Variants in ATRNL1 observed in about 807,000 individuals in gnomAD.
The protein encoded by ATRNL1 is attractin like 1.
In ATRNL1, 95 loss-of-function variants were observed where a neutral mutation model predicts 182.7. The ratio of observed to expected loss-of-function variants is 0.52; its 90% confidence interval spans 0.44 to 0.62. The LOEUF (loss-of-function observed/expected upper bound fraction) is 0.62, where lower values mean the gene tolerates loss of function less well. Ranked by LOEUF, ATRNL1 falls within the 20% of genes least tolerant of loss-of-function variation. ATRNL1 has a pLI of 0.00. For missense variants in ATRNL1, 1,471 were observed against 1,679.5 expected, an observed-to-expected ratio of 0.88 and a Z score of 2.17; for synonymous variants, 576 against 568.3, an observed-to-expected ratio of 1.01 and a Z score of -0.19.
At chr10:115,749,484 A>G (rs1948386556) in intron 27 of ATRNL1, among the ~76,000 whole-genome samples, 1 of 151,910 alleles carries the variant, frequency 6.6e-6, no homozygotes, top group African/African-American at 2.4e-5. Context: ...GTGAAGTAGA[A>G]AAACGGGTAA....
chr10:115,633,103 G>T (rs947293608), intron 26 of ATRNL1, among the ~76,000 whole-genome samples: 2 of 151,948 alleles, frequency 1.3e-5, no homozygotes, highest in Admixed American at 1.3e-4. Context: ...TAGAGACAGG[G>T]TTTTACCATG....
chr10:115,288,590 C>T (rs1412769155), intron 15 of ATRNL1, among the ~76,000 whole-genome samples: 2 of 151,068 alleles, frequency 1.3e-5, no homozygotes, highest in South Asian at 2.1e-4. Flanking sequence ...GGCATGATCT[C>T]GGCTCACTGC....
At chr10:115,237,665 C>A (rs1219298551) in intron 9 of ATRNL1, among the ~76,000 whole-genome samples, 1 of 152,158 alleles carries the variant, frequency 6.6e-6, no homozygotes, top group African/African-American at 2.4e-5. Flanking sequence ...TTCTCCCAGA[C>A]TGTGGCTTGT....
chr10:115,601,106 G>T (rs1856571453), intron 26 of ATRNL1, among the ~76,000 whole-genome samples: 1 of 151,310 alleles, frequency 6.6e-6, no homozygotes, highest in Admixed American at 6.6e-5. Flanking sequence ...AGTTATATTT[G>T]CCCTTTTAAT....
At chr10:115,377,743 A>G (rs782116658) in intron 19 of ATRNL1, among the ~76,000 whole-genome samples, 2 of 152,132 alleles carry the variant, frequency 1.3e-5, no homozygotes, top group Admixed American at 6.5e-5. Context: ...GGGCTGATGG[A>G]ATTGCCTCTG....
At chr10:115,897,076 T>C (rs538888189) in intron 28 of ATRNL1, among the ~76,000 whole-genome samples, 1 of 152,250 alleles carries the variant, frequency 6.6e-6, no homozygotes, top group Non-Finnish European at 1.5e-5. Flanking sequence ...CTAATTTTCT[T>C]AATGTGCTAA....
chr10:115,155,266 CTG>C (rs1240859039), intron 5 of ATRNL1, among the ~76,000 whole-genome samples: 1 of 151,020 alleles, frequency 6.6e-6, no homozygotes, highest in Non-Finnish European at 1.5e-5. Flanking sequence ...TTCAGTCAGT[CTG>C]TGTTTTTTAA....
At chr10:115,376,041 C>G (rs1299677925) in intron 19 of ATRNL1, among the ~76,000 whole-genome samples, 4 of 151,720 alleles carry the variant, frequency 2.6e-5, no homozygotes, top group Non-Finnish European at 5.9e-5. Flanking sequence ...ACTCTCTTAG[C>G]TTTTTGTGTG....
Position 115,283,242 on chromosome 10 carries a change from C to T in ATRNL1, c.2233+1755C>T, listed in dbSNP as rs149632807. Among the ~76,000 whole-genome samples, 182 of 151,952 alleles carry T rather than the reference C, an allele frequency of 1.2e-3. 2 individuals carry two copies. The East Asian group carries it at 0.032, about 26-fold the overall frequency. On this transcript the variant is annotated intron_variant, in intron 14 of 28. Transcript: ENST00000355044. ...CAGCCTGGCCATCATGGTGAAACCC[C>T]GTCTCTACTAAAAATACAAAATTTA...
intron 20 of ATRNL1, among the ~76,000 whole-genome samples, chr10:115,396,035 G>C (rs1844273215): frequency 6.6e-6 from 1 of 151,620 alleles, no homozygotes; most frequent in Non-Finnish European, 1.5e-5. Context: ...TATTAAGCAT[G>C]GAAAATGATC....
intron 26 of ATRNL1, among the ~76,000 whole-genome samples, chr10:115,628,630 C>T (rs1858269749): frequency 6.6e-6 from 1 of 152,060 alleles, no homozygotes; most frequent in Admixed American, 6.6e-5. Context: ...CTTTTGGTGT[C>T]ATGTCTAAGA....
At chr10:115,371,346 G>C (rs1170357730) in intron 19 of ATRNL1, among the ~76,000 whole-genome samples, 2 of 152,116 alleles carry the variant, frequency 1.3e-5, no homozygotes, top group African/African-American at 4.8e-5. Context: ...CTGGCACCCT[G>C]CATTTGGAAA....
At chr10:115,256,146 C>A (rs1170133873) in intron 10 of ATRNL1, among the ~76,000 whole-genome samples, 1 of 152,146 alleles carries the variant, frequency 6.6e-6, no homozygotes, top group Non-Finnish European at 1.5e-5. Context: ...ATGATGCTGG[C>A]CTCATAAAAT....
At chr10:115,786,798 GTTTA>G (rs1949407135) in intron 27 of ATRNL1, among the ~76,000 whole-genome samples, 1 of 152,120 alleles carries the variant, frequency 6.6e-6, no homozygotes, top group Admixed American at 6.5e-5. Flanking sequence ...TATGGTGATA[GTTTA>G]TTTATTTGAC....
intron 13 of ATRNL1, among the ~76,000 whole-genome samples, chr10:115,274,092 C>T (rs1665888284): frequency 6.6e-6 from 1 of 152,150 alleles, no homozygotes; most frequent in Non-Finnish European, 1.5e-5. Context: ...CTACAAAATC[C>T]TAAGGGTCTG....
intron 27 of ATRNL1, among the ~76,000 whole-genome samples, chr10:115,736,470 C>T (rs575592598): frequency 5.3e-5 from 8 of 151,692 alleles, no homozygotes; most frequent in East Asian, 1.9e-4. Context: ...TTTTTCATTC[C>T]GAATAAAATT....
chr10:115,553,993 A>C (rs913733472), intron 26 of ATRNL1, among the ~76,000 whole-genome samples: 5 of 151,566 alleles, frequency 3.3e-5, no homozygotes, highest in African/African-American at 1.2e-4. Context: ...ATTAAGGAAA[A>C]TGTGAAAGTG....
chr10:115,301,991 C>T lies in ATRNL1; in HGVS notation c.2766C>T (p.Ile922=). The T allele has an allele frequency of 6.2e-7, 1 of 1,614,024 alleles. No individual in the cohort carries two copies. Among genetic ancestry groups the T allele is most frequent in the Non-Finnish European group, 8.5e-7 (1 of 1,179,912 alleles). ...TKRCVDSNAY[I]ISFPYGQCLE... is the part of the protein sequence containing the mutation. ...GATGTGTTGACTCTAATGCCTATAT[C>T]ATCTCTTTTCCATATGGACAATGTC... The change falls in exon 17 of 29, where the codon ATC becomes ATT. Residue 922 remains isoleucine, a synonymous_variant. Transcript: ENST00000355044.
intron 25 of ATRNL1, among the ~76,000 whole-genome samples, chr10:115,539,917 C>T (rs1234457348): frequency 7.0e-6 from 1 of 142,718 alleles, no homozygotes; most frequent in African/African-American, 2.6e-5. Context: ...AAAAGTAGAG[C>T]CCACAAATCC....
Sources: gnomAD v4.1 joint callset for allele counts (sites outside exome capture counted in the v4.1 genomes callset) on GRCh38, gnomAD v4.1.1 for gene constraint, MANE v1.5 for transcripts, NCBI Gene and HGNC (gene_info 2026-07-23, HGNC 2026-07-21) for gene names.